The following EP400 variants were observed in gnomAD, a reference collection of about 807,000 sequenced individuals.
EP400 encodes E1A-binding protein p400.
In EP400, 105 loss-of-function variants were observed where a neutral mutation model predicts 354.1. The observed-to-expected ratio is 0.30, with a 90% CI of 0.25 to 0.35. EP400 has a LOEUF of 0.35. Among genes scored for constraint, EP400 ranks in the 10% least tolerant of loss-of-function variants. The pLI is 1.00. For missense variants in EP400, 3,280 were observed against 4,121.0 expected, an observed-to-expected ratio of 0.80 and a Z score of 5.59; for synonymous variants, 1,646 against 1,716.9, an observed-to-expected ratio of 0.96 and a Z score of 1.02.
chr12:132,066,969 G>T lies in EP400; in HGVS notation c.8749G>T (p.Gly2917Ter). 6.3e-7 allele frequency: 1 copy of T among 1,591,886 alleles called. No individual in the cohort carries two copies. Among genetic ancestry groups the T allele is most frequent in the Non-Finnish European group, 8.6e-7 (1 of 1,168,498 alleles). ...GATCGGTCAGCCACAGAAGGCAGCAGGTGCCCGCCCCAGCACACCCTCCCG... is the reference window on the plus strand; with the variant it reads ...GATCGGTCAGCCACAGAAGGCAGCATGTGCCCGCCCCAGCACACCCTCCCG... Reference protein sequence around the residue: ...VAIGQPQKAAGQTVVAQPVHM... With the variant: ...VAIGQPQKAA Residue 2917 changes from glycine (G) to a stop codon, truncating the protein, a stop_gained and splice_region_variant, in exon 49 of 53, where the codon GGA becomes TGA. Transcript: ENST00000389561. LOFTEE classifies it high-confidence loss of function.
Position 132,027,945 on chromosome 12 carries a change from G to A in EP400, c.5110-72G>A. 1.3e-6 allele frequency: 2 copies of A among 1,516,634 alleles called. No homozygotes were observed. Among genetic ancestry groups the A allele is most frequent in the African/African-American group, 1.4e-5 (1 of 72,980 alleles). 93.9% of individuals were successfully genotyped at this position (1,516,634 alleles called of 1,614,324 possible). A position where few individuals can be genotyped will look rare whatever the true frequency, so the allele number is the denominator to read the frequency against. On this transcript the variant is annotated intron_variant, in intron 26 of 52. Transcript: ENST00000389561. This position sits in a 1 kb window ranked among gnomAD's most constrained non-coding sequence, Gnocchi z 4.9. Reference sequence around the variant, plus strand: ...ATATGTGGGAAATCACGGGCTGGGTGGGGGGTTGGTGAAGACAGGAACTTG... The same window carrying A: ...ATATGTGGGAAATCACGGGCTGGGTAGGGGGTTGGTGAAGACAGGAACTTG...
Position 132,029,867 on chromosome 12 carries a change from C to A in EP400, c.5548C>A (p.Gln1850Lys). ...LRQTTAPRLL[Q>K]FPELRLVQFD... Reference sequence around the variant, plus strand: ...GCAGACCACGGCTCCACGCCTGCTGCAGTTCCCTGAGCTGAGGCTGGTGCA... The same window carrying A: ...GCAGACCACGGCTCCACGCCTGCTGAAGTTCCCTGAGCTGAGGCTGGTGCA... The change falls in exon 28 of 53, where the codon CAG (glutamine) becomes AAG (lysine). Residue 1850 changes from glutamine (Q) to lysine (K), a missense_variant. Around this residue, in one of 20 missense-constraint regions of EP400, gnomAD observed 459 missense variants for 496.9 expected, o/e 0.92. Coordinates refer to ENST00000389561, the MANE Select transcript of EP400 (RefSeq NM_015409.5). This position sits in a 1 kb window ranked among gnomAD's most constrained non-coding sequence, Gnocchi z 4.7. The A allele has an allele frequency of 6.2e-7, 1 of 1,612,814 alleles. No homozygotes were observed. Among genetic ancestry groups the A allele is most frequent in the Non-Finnish European group, 8.5e-7 (1 of 1,180,026 alleles).
In EP400 at chr12:132,044,286, A is replaced by G. The variant is rs978201716; in HGVS notation, c.6560A>G (p.Tyr2187Cys). 3.1e-6 allele frequency: 5 copies of G among 1,614,016 alleles called. No individual in the cohort carries two copies. Among genetic ancestry groups the G allele is most frequent in the African/African-American group, 1.3e-5 (1 of 75,062 alleles). The change falls in exon 35 of 53, where the codon TAC becomes TGC. Residue 2187 changes from tyrosine to cysteine, a missense_variant. Transcript: ENST00000389561. ...LEQEEAELLT[Y>C]TREDAYSMEY... ...CAGGAGGAGGCGGAGCTCCTGACCT[A>G]CACGCGAGAGGATGCCTACAGCATG... is the stretch of plus-strand genomic sequence containing the variant.
chr12:132,049,972 G>A (rs1045334957), intron 39 of EP400, among the ~76,000 whole-genome samples: 1 of 152,192 alleles, frequency 6.6e-6, no homozygotes, highest in African/African-American at 2.4e-5. Context: ...TGGTGTTAGC[G>A]GGTGAAGGCT....
Position 132,070,870 on chromosome 12 carries a change from T to G in EP400, c.9021+1229T>G, listed in dbSNP as rs567949549. ...TTCCATTTTCTGTCTCTGGCTGTTG[T>G]ACATTTTTGTACATTAGTTTTTTAT... is the stretch of plus-strand genomic sequence containing the variant. On this transcript the variant is annotated intron_variant, in intron 51 of 52. Coordinates refer to ENST00000389561, the MANE Select transcript of EP400 (RefSeq NM_015409.5). The surrounding 1 kb of genome is among the most constrained non-coding windows in gnomAD (Gnocchi z 4.1). Among the ~76,000 whole-genome samples the G allele has an allele frequency of 2.0e-5, 3 of 152,380 alleles. No homozygotes were observed. The highest frequency in any genetic ancestry group is 7.2e-5 in the African/African-American group (3 of 41,590).
chr12:132,037,110 C>CT (rs1388075072), intron 30 of EP400, among the ~76,000 whole-genome samples: 3 of 152,290 alleles, frequency 2.0e-5, no homozygotes, highest in Non-Finnish European at 4.4e-5. Flanking sequence ...TGTTCTGTGT[C>CT]CCCAGTGATG....
rs117584953 is a variant in EP400, at chr12:132,053,977, T to C, written c.7728+380T>C. Among the ~76,000 whole-genome samples the C allele has an allele frequency of 7.2e-3, 1,090 of 152,362 alleles. 35 individuals are homozygous for C. In the South Asian group the frequency reaches 0.094, roughly 13 times the overall value. ...AGAGAGCAGGTACTGCCTGTGTCGGTGTCTCAAAGCATGCCCATGTGTGCT... is the reference window on the plus strand; with the variant it reads ...AGAGAGCAGGTACTGCCTGTGTCGGCGTCTCAAAGCATGCCCATGTGTGCT... On this transcript the variant is annotated intron_variant, in intron 43 of 52. Coordinates refer to ENST00000389561, the MANE Select transcript of EP400 (RefSeq NM_015409.5).
intron 10 of EP400, 25 bp from the exon 11 acceptor site, chr12:131,992,148 G>A (rs1009496705): frequency 6.2e-6 from 10 of 1,602,096 alleles, no homozygotes; most frequent in African/African-American, 1.3e-5. Context: ...TCTCATGCTT[G>A]TGGTTTTTCT....
At chr12:132,045,029 C>G in intron 37 of EP400, 76 bp downstream of exon 37, 3 of 1,332,346 alleles carry the variant, frequency 2.3e-6, no homozygotes, top group Non-Finnish European at 3.0e-6. Flanking sequence ...CCACTTTCTG[C>G]TGTCTGCCTG....
At chr12:132,014,650 G>A (rs962041399) in intron 19 of EP400, among the ~76,000 whole-genome samples, 4 of 152,184 alleles carry the variant, frequency 2.6e-5, no homozygotes, top group African/African-American at 9.7e-5. Context: ...TGGCCATGAG[G>A]CTTTGCTGCA....
At chr12:131,973,030 C>T (rs1297282184) in intron 2 of EP400, among the ~76,000 whole-genome samples, 1 of 152,180 alleles carries the variant, frequency 6.6e-6, no homozygotes, top group African/African-American at 2.4e-5. Context: ...CCATGCCTGA[C>T]TGATTTTTTA....
chr12:131,951,278 C>G (rs1349131080), intron 1 of EP400, among the ~76,000 whole-genome samples: 1 of 151,446 alleles, frequency 6.6e-6, no homozygotes. Context: ...TCTCGAACTC[C>G]TGAGCTCAGG....
chr12:132,019,413 C>T (rs1894050273), intron 21 of EP400, among the ~76,000 whole-genome samples: 1 of 152,098 alleles, frequency 6.6e-6, no homozygotes, highest in South Asian at 2.1e-4. Context: ...CAATATAGTT[C>T]CCAGCTTAAA....
intron 30 of EP400, 21 bp downstream of exon 30, chr12:132,032,170 G>A: frequency 6.3e-7 from 1 of 1,599,536 alleles, no homozygotes; most frequent in Non-Finnish European, 8.5e-7. Context: ...GCGGGGGATA[G>A]GATCAGGAGA....
Position 132,025,819 on chromosome 12 carries a change from G to A in EP400, c.5014+15G>A. ...GACCCCACAAGGTAGGGTGCTCTGA[G>A]CAGGAGGGAGACTTGGCTTGGATGC... On this transcript the variant is annotated intron_variant, in intron 25 of 52. Transcript: ENST00000389561. This position sits in a 1 kb window ranked among gnomAD's most constrained non-coding sequence, Gnocchi z 4.1. 1 of 1,567,542 alleles carries A rather than the reference G, an allele frequency of 6.4e-7. No individual in the cohort carries two copies. Among genetic ancestry groups the A allele is most frequent in the Non-Finnish European group, 8.6e-7 (1 of 1,159,192 alleles).
At chr12:132,056,119 G>C (rs1023037363) in intron 45 of EP400, among the ~76,000 whole-genome samples, 7 of 152,122 alleles carry the variant, frequency 4.6e-5, no homozygotes, top group South Asian at 4.1e-4. Context: ...GGGACCACCT[G>C]CTTCTCTTGG....
Position 131,982,413 on chromosome 12 carries a change from G to T in EP400, c.1864G>T (p.Ala622Ser). The T allele has an allele frequency of 6.2e-7, 1 of 1,614,062 alleles. No homozygotes were observed. The highest frequency in any genetic ancestry group is 8.5e-7 in the Non-Finnish European group (1 of 1,179,998). The change falls in exon 5 of 53, where the codon GCC becomes TCC. Residue 622 changes from alanine to serine, a missense_variant. By Grantham distance (99) the Ala-to-Ser change is moderately conservative. Around this residue, in one of 20 missense-constraint regions of EP400, gnomAD observed 800 missense variants for 840.0 expected, o/e 0.95. Coordinates refer to ENST00000389561, the MANE Select transcript of EP400 (RefSeq NM_015409.5). The stretch of plus-strand genomic sequence containing the variant: ...CCCTCCCTCGCAGCCTGCACAGCTG[G>T]CCCTCCACGTTCCCACACCTGGAAA... Reference protein sequence around the residue: ...PIPPSQPAQLALHVPTPGKVQ... With the variant: ...PIPPSQPAQLSLHVPTPGKVQ...
intron 5 of EP400, among the ~76,000 whole-genome samples, chr12:131,984,141 G>A (rs550255474): frequency 3.3e-5 from 5 of 152,214 alleles, no homozygotes; most frequent in East Asian, 3.9e-4. Context: ...CAGGTGATCC[G>A]CTGGCTTTGG....
chr12:132,038,134 T>C lies in EP400; in HGVS notation c.6207+38T>C, dbSNP rs375236027. 7.4e-6 allele frequency: 12 copies of C among 1,611,900 alleles called. No homozygotes were observed. In the African/African-American group the frequency reaches 1.6e-4, roughly 22 times the overall value. ...TGAATCTGGCTGAAGAGTTGCACGGTGGGAGCCGGCGGAACACCTGCACCC... is the reference window on the plus strand; with the variant it reads ...TGAATCTGGCTGAAGAGTTGCACGGCGGGAGCCGGCGGAACACCTGCACCC... On this transcript the variant is annotated intron_variant, in intron 32 of 52. Transcript: ENST00000389561. The surrounding 1 kb of genome is among the most constrained non-coding windows in gnomAD (Gnocchi z 4.2).
Sources: allele counts gnomAD v4.1 joint callset (sites outside exome capture counted in the v4.1 genomes callset), GRCh38; gene constraint gnomAD v4.1.1; regional missense constraint gnomAD v4.1.1; non-coding constraint Gnocchi (gnomAD v3.1); transcripts MANE v1.5; gene names NCBI Gene and HGNC (gene_info 2026-07-23, HGNC 2026-07-21).